The following BCL2L11 variants were observed in gnomAD, a reference collection of about 807,000 sequenced individuals.
BCL2L11 encodes BCL2 like 11, also known as bcl-2-like protein 11.
In BCL2L11, 15 loss-of-function variants were observed where a neutral mutation model predicts 20.6. The observed-to-expected ratio is 0.73, with a 90% confidence interval of 0.49 to 1.12. BCL2L11 has a LOEUF of 1.12. Among genes scored for constraint, BCL2L11 ranks in the 50% most tolerant of loss-of-function variants. The pLI, the probability that BCL2L11 is intolerant of heterozygous loss-of-function variation, is 0.00. For missense variants in BCL2L11, 292 were observed against 260.9 expected (o/e 1.12, Z -0.82); for synonymous variants, 108 against 92.8 (o/e 1.16, Z -0.94).
rs573126603 is a variant in BCL2L11 at position 111,121,803 on chromosome 2, G to C, written c.-14+615G>C. ...CTGCTTGCTCTGCAGGAGTCCTGCG[G>C]CCTGTGCCATCCGCACGATTCCCTG... On this transcript the variant is annotated intron_variant, in intron 1 of 3. Coordinates refer to ENST00000393256, the MANE Select transcript of BCL2L11 (RefSeq NM_138621.5). Among the ~76,000 whole-genome samples the C allele has an allele frequency of 2.3e-3, 355 of 152,336 alleles. 3 individuals carry two copies. The highest frequency in any genetic ancestry group is 8.1e-3 in the African/African-American group (335 of 41,576).
intron 2 of BCL2L11, among the ~76,000 whole-genome samples, chr2:111,130,642 G>A (rs945301244): frequency 2.0e-5 from 3 of 152,146 alleles, no homozygotes; most frequent in African/African-American, 7.2e-5. Context: ...TAGTGTTTAT[G>A]TTGACTAGGA....
At chr2:111,140,755 C>G (rs1311180325) in intron 2 of BCL2L11, among the ~76,000 whole-genome samples, 3 of 152,170 alleles carry the variant, frequency 2.0e-5, no homozygotes, top group Non-Finnish European at 4.4e-5. Flanking sequence ...GATACTTGAT[C>G]ATAAATTCTA....
At chr2:111,147,036 CTT>C (rs1428068388) in intron 2 of BCL2L11, among the ~76,000 whole-genome samples, 1 of 152,110 alleles carries the variant, frequency 6.6e-6, no homozygotes, top group Non-Finnish European at 1.5e-5. Context: ...ACAGATCAGT[CTT>C]TTTTGCAAAA....
intron 2 of BCL2L11, among the ~76,000 whole-genome samples, chr2:111,126,107 T>TA (rs2072537237): frequency 6.6e-6 from 1 of 152,192 alleles, no homozygotes; most frequent in Admixed American, 6.5e-5. Context: ...GCAAAATGCA[T>TA]ACATTGGTCT....
intron 1 of BCL2L11, among the ~76,000 whole-genome samples, chr2:111,122,449 G>C (rs771873490): frequency 6.6e-6 from 1 of 152,220 alleles, no homozygotes. Context: ...AGCGCTCGGA[G>C]GCGAGTTTGT....
intron 2 of BCL2L11, among the ~76,000 whole-genome samples, chr2:111,136,787 G>A (rs1032860554): frequency 2.0e-5 from 3 of 152,202 alleles, no homozygotes; most frequent in African/African-American, 7.2e-5. Flanking sequence ...TTCAGCGAGA[G>A]TTTTGGGGGC....
intron 2 of BCL2L11, chr2:111,145,826 T>C (rs2076420309): frequency 3.8e-6 from 1 of 266,576 alleles, no homozygotes; most frequent in Admixed American, 6.5e-5. Context: ...CAAAAAATGA[T>C]TTCTAAGAAG....
intron 2 of BCL2L11, among the ~76,000 whole-genome samples, chr2:111,128,303 A>C (rs2073117977): frequency 6.6e-6 from 1 of 152,156 alleles, no homozygotes; most frequent in Admixed American, 6.5e-5. Flanking sequence ...AGGTTGTTCC[A>C]GTGTGTGTAT....
intron 3 of BCL2L11, among the ~76,000 whole-genome samples, chr2:111,155,395 A>T (rs1052430318): frequency 6.6e-6 from 1 of 152,242 alleles, no homozygotes; most frequent in Non-Finnish European, 1.5e-5. Flanking sequence ...AGTGCCAGCA[A>T]GTGTAGATTG....
intron 3 of BCL2L11, chr2:111,151,828 A>C (rs2077294005): frequency 1.9e-6 from 3 of 1,547,102 alleles, no homozygotes; most frequent in Non-Finnish European, 2.6e-6. Flanking sequence ...TAAGCTGGCA[A>C]AACTCCTGGC....
At chr2:111,122,991 G>T in intron 1 of BCL2L11, 1 of 985,406 alleles carries the variant, frequency 1.0e-6, no homozygotes, top group Non-Finnish European at 1.2e-6. Context: ...GCGCGCACCG[G>T]TGTCGCCTAG....
chr2:111,135,701 G>A (rs2074752608), intron 2 of BCL2L11, among the ~76,000 whole-genome samples: 1 of 152,210 alleles, frequency 6.6e-6, no homozygotes, highest in Non-Finnish European at 1.5e-5. Flanking sequence ...CAAGGCTGGG[G>A]CTGGGAGAGC....
chr2:111,142,798 T>A (rs1183862550), intron 2 of BCL2L11, among the ~76,000 whole-genome samples: 1 of 152,210 alleles, frequency 6.6e-6, no homozygotes, highest in Non-Finnish European at 1.5e-5. Flanking sequence ...CATCAGAAAT[T>A]CTTATATTTT....
chr2:111,161,429 C>T (rs1237084719), intron 3 of BCL2L11: 2 of 1,550,572 alleles, frequency 1.3e-6, no homozygotes, highest in African/African-American at 1.4e-5. Context: ...ATGCCTCTTC[C>T]ACCTGATTAA....
intron 1 of BCL2L11, chr2:111,123,281 G>T: frequency 1.0e-6 from 1 of 985,500 alleles, no homozygotes; most frequent in Non-Finnish European, 1.2e-6. Context: ...AGCATTTTCG[G>T]CAAACAATGG....
intron 2 of BCL2L11, among the ~76,000 whole-genome samples, chr2:111,127,638 A>G (rs1471035404): frequency 6.6e-6 from 1 of 152,084 alleles, no homozygotes; most frequent in Non-Finnish European, 1.5e-5. Flanking sequence ...GAAGGCAGGT[A>G]GCAAGAAAAA....
At chr2:111,147,386 A>C (rs1261696843) in intron 2 of BCL2L11, among the ~76,000 whole-genome samples, 1 of 142,796 alleles carries the variant, frequency 7.0e-6, no homozygotes, top group Non-Finnish European at 1.6e-5. Context: ...ACACACACAC[A>C]CACACCCGCC....
At chr2:111,143,257 G>A (rs941546454) in intron 2 of BCL2L11, among the ~76,000 whole-genome samples, 8 of 152,160 alleles carry the variant, frequency 5.3e-5, no homozygotes, top group South Asian at 2.1e-4. Context: ...TCAGTGTCCC[G>A]TGTCTTTCCC....
chr2:111,140,318 A>G (rs770728453), intron 2 of BCL2L11, among the ~76,000 whole-genome samples: 2 of 152,212 alleles, frequency 1.3e-5, no homozygotes, highest in Non-Finnish European at 2.9e-5. Context: ...AACACGTTCA[A>G]TATAAGGATT....
Sources: gnomAD v4.1 joint callset for allele counts (sites outside exome capture counted in the v4.1 genomes callset) on GRCh38, gnomAD v4.1.1 for gene constraint, MANE v1.5 for transcripts, NCBI Gene and HGNC (gene_info 2026-07-23, HGNC 2026-07-21) for gene names.